Variants in NRXN1 observed in about 807,000 individuals in gnomAD.
NRXN1 encodes the protein neurexin-1.
In NRXN1, 39 loss-of-function variants were observed where a neutral mutation model predicts 150.9. That is an observed-to-expected ratio of 0.26 (90% CI 0.20 to 0.34). The LOEUF (loss-of-function observed/expected upper bound fraction) is 0.34. NRXN1 is among the 10% of genes least tolerant of loss of function. NRXN1 has a pLI of 1.00. For missense variants in NRXN1, 1,815 were observed against 1,949.9 expected, an observed-to-expected ratio of 0.93 and a Z score of 1.30; for synonymous variants, 924 against 757.0, an observed-to-expected ratio of 1.22 and a Z score of -3.62.
intron 18 of NRXN1, among the ~76,000 whole-genome samples, chr2:50,152,085 A>G (rs1248860701): frequency 2.0e-5 from 3 of 151,770 alleles, no homozygotes; most frequent in African/African-American, 7.2e-5. Context: ...CATTTTAAGT[A>G]TACAGTTCAG....
intron 18 of NRXN1, among the ~76,000 whole-genome samples, chr2:50,231,969 T>G (rs2064983977): frequency 6.6e-6 from 1 of 152,138 alleles, no homozygotes. Flanking sequence ...ACATGTCTTG[T>G]GTAACACTTC....
At chr2:50,362,344 A>T (rs1223334984) in intron 17 of NRXN1, among the ~76,000 whole-genome samples, 1 of 152,190 alleles carries the variant, frequency 6.6e-6, no homozygotes, top group East Asian at 1.9e-4. Flanking sequence ...ATATTTAGAA[A>T]ATCCCATTGT....
At chr2:50,415,707 A>G (rs886120005) in intron 17 of NRXN1, among the ~76,000 whole-genome samples, 3 of 152,128 alleles carry the variant, frequency 2.0e-5, no homozygotes, top group Non-Finnish European at 4.4e-5. Flanking sequence ...ACTGTAAATA[A>G]CCACACATCA....
intron 17 of NRXN1, among the ~76,000 whole-genome samples, chr2:50,340,170 A>C (rs970541090): frequency 6.6e-6 from 1 of 152,204 alleles, no homozygotes; most frequent in Non-Finnish European, 1.5e-5. Context: ...ATTAAATGAG[A>C]CACTTTATAT....
intron 5 of NRXN1, among the ~76,000 whole-genome samples, chr2:50,666,860 GATGATGATGATGATGATGA>G (rs1333040344): frequency 2.1e-5 from 2 of 93,118 alleles, no homozygotes; most frequent in Non-Finnish European, 2.2e-5. Flanking sequence ...TGATGATGAT[GATGATGATGATGATGATGA>G]TGTGTGTGTG....
intron 17 of NRXN1, among the ~76,000 whole-genome samples, chr2:50,294,193 T>C (rs2073286826): frequency 6.6e-6 from 1 of 152,120 alleles, no homozygotes; most frequent in Non-Finnish European, 1.5e-5. Flanking sequence ...TAAAATAAAG[T>C]AAGAGCAAAA....
intron 19 of NRXN1, among the ~76,000 whole-genome samples, chr2:50,089,070 A>T (rs2152693972): frequency 6.6e-6 from 1 of 152,350 alleles, no homozygotes; most frequent in East Asian, 1.9e-4. Context: ...ATAAAGTCCA[A>T]GTATAGATAT....
intron 5 of NRXN1, among the ~76,000 whole-genome samples, chr2:50,821,843 C>G (rs1391599477): frequency 6.6e-6 from 1 of 152,132 alleles, no homozygotes; most frequent in Admixed American, 6.5e-5. Flanking sequence ...TAAGTAGGCT[C>G]TCATAAGCAT....
chr2:50,053,293 G>A lies in NRXN1; in HGVS notation c.4106C>T (p.Pro1369Leu), dbSNP rs1293109274. ...ATSTARRGKP[P>L]TKEPISQTTD... ...CACCTGGCTAATGGGTTCTTTTGTC[G>A]GGGGCTTTCCTCTTCTGGCTGTGCT... Residue 1369 changes from proline (P) to leucine (L), a missense_variant, in exon 21 of 23, where the codon CCG becomes CTG. Coordinates refer to ENST00000401669, the MANE Select transcript of NRXN1 (RefSeq NM_001330078.2). 5.6e-6 allele frequency: 9 copies of A among 1,613,850 alleles called. No homozygotes were observed. The highest frequency in any genetic ancestry group is 7.6e-6 in the Non-Finnish European group (9 of 1,179,846).
chr2:50,849,676 G>A (rs1674221795), intron 5 of NRXN1, among the ~76,000 whole-genome samples: 3 of 151,946 alleles, frequency 2.0e-5, no homozygotes, highest in African/African-American at 4.8e-5. Flanking sequence ...TTCCTTACCC[G>A]CTTGTCCAGG....
At chr2:50,994,497 G>C (rs1027037224) in intron 2 of NRXN1, among the ~76,000 whole-genome samples, 1 of 151,948 alleles carries the variant, frequency 6.6e-6, no homozygotes, top group African/African-American at 2.4e-5. Context: ...TAGCCAGAGA[G>C]GCAGAACAGA....
chr2:49,982,949 T>C (rs143637088), intron 21 of NRXN1, among the ~76,000 whole-genome samples: 347 of 152,306 alleles, frequency 2.3e-3, no homozygotes, highest in African/African-American at 8.1e-3. Flanking sequence ...CATGCTATGT[T>C]CTATAACATC....
chr2:50,340,819 C>T (rs544366359), intron 17 of NRXN1, among the ~76,000 whole-genome samples: 24 of 152,188 alleles, frequency 1.6e-4, no homozygotes, highest in African/African-American at 5.3e-4. Context: ...CATCTCAAAA[C>T]ATAAATTGTG....
At chr2:50,581,450 T>C (rs1225871162) in intron 8 of NRXN1, among the ~76,000 whole-genome samples, 1 of 152,148 alleles carries the variant, frequency 6.6e-6, no homozygotes, top group African/African-American at 2.4e-5. Context: ...TATTTCACCA[T>C]CCCTCAGATT....
At chr2:50,784,489 A>G (rs1443208295) in intron 5 of NRXN1, among the ~76,000 whole-genome samples, 2 of 152,088 alleles carry the variant, frequency 1.3e-5, no homozygotes, top group Admixed American at 1.3e-4. Flanking sequence ...ATGAAAAAAC[A>G]TGGTGAGTAT....
intron 5 of NRXN1, among the ~76,000 whole-genome samples, chr2:50,697,084 T>A (rs1658657161): frequency 6.6e-6 from 1 of 152,070 alleles, no homozygotes; most frequent in East Asian, 1.9e-4. Flanking sequence ...ATGAATACCC[T>A]GCAACCTCTC....
intron 9 of NRXN1, among the ~76,000 whole-genome samples, chr2:50,549,874 T>C (rs1440674486): frequency 6.6e-6 from 1 of 152,178 alleles, no homozygotes; most frequent in African/African-American, 2.4e-5. Context: ...TGTGTATATG[T>C]GCATGTGTGG....
chr2:50,346,555 G>C lies in NRXN1; in HGVS notation c.3365-109585C>G. The C allele has an allele frequency of 1.1e-6, 1 of 908,560 alleles. No homozygotes were observed. The highest frequency in any genetic ancestry group is 1.7e-6 in the Non-Finnish European group (1 of 575,322). The allele number at this position is 908,560 out of a possible 1,614,324, so 56.3% of individuals were successfully genotyped here. A position where few individuals can be genotyped will look rare whatever the true frequency, so the allele number is the denominator to read the frequency against. On this transcript the variant is annotated intron_variant, in intron 17 of 22. Coordinates refer to ENST00000401669, the MANE Select transcript of NRXN1 (RefSeq NM_001330078.2). This position sits in a 1 kb window ranked among gnomAD's most constrained non-coding sequence, Gnocchi z 5.0. ...TTGTCTTCAAAGAGATAAGTGGCTC[G>C]CACCAAGCACACCCAAATGCACCTC... is the stretch of plus-strand genomic sequence containing the variant.
intron 17 of NRXN1, among the ~76,000 whole-genome samples, chr2:50,273,499 T>C (rs1337351342): frequency 6.6e-6 from 1 of 152,154 alleles, no homozygotes; most frequent in Non-Finnish European, 1.5e-5. Context: ...TCGAGTGCTA[T>C]TGGTAAATCA....
Sources: gnomAD v4.1 joint callset for allele counts (sites outside exome capture counted in the v4.1 genomes callset) on GRCh38, gnomAD v4.1.1 for gene constraint, Gnocchi (gnomAD v3.1) non-coding constraint, MANE v1.5 for transcripts, NCBI Gene and HGNC (gene_info 2026-07-23, HGNC 2026-07-21) for gene names.